KCND3: variants seen among roughly 807,000 people sequenced by gnomAD.
KCND3 encodes potassium voltage-gated channel subfamily D member 3.
Under a neutral mutation model 51.1 loss-of-function variants are expected in KCND3, and 9 were observed. The ratio of observed to expected loss-of-function variants is 0.18; its 90% CI spans 0.11 to 0.31. The LOEUF (loss-of-function observed/expected upper bound fraction) is 0.31, where lower values mean the gene tolerates loss of function less well. KCND3 is among the 10% of genes least tolerant of loss of function. The pLI is 1.00. For missense variants in KCND3, 526 were observed against 903.8 expected (o/e 0.58, Z 5.36); for synonymous variants, 349 against 368.0 (o/e 0.95, Z 0.59).
rs1664070977 is a variant in KCND3, at chr1:111,775,645, C to T, written c.*432G>A. Reference sequence around the variant, plus strand: ...GCCTTGAAAAAGGTGCTTAAATACACAGTGTTATATTTTCTTCCTGTTTTG... The same window carrying T: ...GCCTTGAAAAAGGTGCTTAAATACATAGTGTTATATTTTCTTCCTGTTTTG... On this transcript the variant is annotated 3_prime_UTR_variant, in exon 8 of 8. Transcript: ENST00000302127. 4.3e-6 allele frequency: 1 copy of T among 235,206 alleles called. No individual in the cohort carries two copies. The highest frequency in any genetic ancestry group is 2.2e-5 in the African/African-American group (1 of 45,176). 14.6% of individuals were successfully genotyped at this position (235,206 alleles called of 1,614,324 possible).
At chr1:111,912,279 C>T (rs1255368401) in intron 2 of KCND3, among the ~76,000 whole-genome samples, 3 of 152,190 alleles carry the variant, frequency 2.0e-5, no homozygotes. Context: ...ATGAAAAATT[C>T]CTATCACCTA....
rs752869405 is a variant in KCND3, at chr1:111,982,488, T to C, written c.239A>G (p.Lys80Arg). The C allele has an allele frequency of 2.5e-6, 4 of 1,609,312 alleles. No individual in the cohort carries two copies. The Admixed American group carries it at 6.7e-5, about 27-fold the overall frequency. The change falls in exon 2 of 8, where the codon AAG (lysine) becomes AGG (arginine). Residue 80 changes from lysine (K) to arginine (R), a missense_variant. Transcript: ENST00000302127. The surrounding 1 kb of genome is among the most constrained non-coding windows in gnomAD (Gnocchi z 8.5). ...GGGGTCCCGGTCGAAGAAGTACTCC[T>C]TGGTGTCCTCGTTGAAGAAGAACTC... is the stretch of plus-strand genomic sequence containing the variant. ...EKEFFFNEDT[K>R]EYFFDRDPEV...
chr1:111,987,052 G>A (rs1237578084), intron 1 of KCND3, among the ~76,000 whole-genome samples: 2 of 152,150 alleles, frequency 1.3e-5, no homozygotes, highest in Non-Finnish European at 2.9e-5. Flanking sequence ...AAAAGTAAGA[G>A]ATCACTGAAT....
chr1:111,921,152 T>G (rs1423529561), intron 2 of KCND3, among the ~76,000 whole-genome samples: 1 of 152,208 alleles, frequency 6.6e-6, no homozygotes. Context: ...ATTCAATCTC[T>G]ATAGTGCCCT....
chr1:111,879,074 C>T (rs1669187019), intron 2 of KCND3, among the ~76,000 whole-genome samples: 1 of 152,198 alleles, frequency 6.6e-6, no homozygotes, highest in Non-Finnish European at 1.5e-5. Flanking sequence ...ACAGAAACAT[C>T]AGCTCTCCTT....
chr1:111,871,136 G>C (rs1348154618), intron 2 of KCND3, among the ~76,000 whole-genome samples: 1 of 152,192 alleles, frequency 6.6e-6, no homozygotes, highest in Non-Finnish European at 1.5e-5. Flanking sequence ...GAAGGAATGG[G>C]AGGTGAGATG....
At position 111,889,202 on chromosome 1, in the gene KCND3, C is replaced by G. The variant is rs571407772; in HGVS notation, c.1106+92419G>C. On this transcript the variant is annotated intron_variant, in intron 2 of 7. Transcript: ENST00000302127. Reference sequence around the variant, plus strand: ...CACAGACATAACCACCATAAGTGAACAGAGGCCTGCCCCAAAAATTCAGGG... The same window carrying G: ...CACAGACATAACCACCATAAGTGAAGAGAGGCCTGCCCCAAAAATTCAGGG... Among the ~76,000 whole-genome samples, 114 of 152,342 alleles carry G rather than the reference C, an allele frequency of 7.5e-4. 2 individuals carry two copies. Among genetic ancestry groups the G allele is most frequent in the Middle Eastern group, 6.8e-3 (2 of 294 alleles).
At chr1:111,840,659 T>C (rs1239034840) in intron 2 of KCND3, among the ~76,000 whole-genome samples, 2 of 152,192 alleles carry the variant, frequency 1.3e-5, no homozygotes, top group Non-Finnish European at 2.9e-5. Flanking sequence ...ACATTTCACT[T>C]TTATAATCTC....
chr1:111,913,494 A>C (rs1469205956), intron 2 of KCND3, among the ~76,000 whole-genome samples: 3 of 152,260 alleles, frequency 2.0e-5, no homozygotes, highest in Admixed American at 2.0e-4. Flanking sequence ...AGCAAGCCCT[A>C]AAATAATCAA....
chr1:111,905,802 C>G (rs1452192040), intron 2 of KCND3, among the ~76,000 whole-genome samples: 1 of 152,156 alleles, frequency 6.6e-6, no homozygotes, highest in Admixed American at 6.5e-5. Flanking sequence ...CCACCCAGGC[C>G]CTTTCAAGTA....
intron 3 of KCND3, among the ~76,000 whole-genome samples, chr1:111,781,365 T>G (rs1048528481): frequency 6.6e-6 from 1 of 152,242 alleles, no homozygotes. Context: ...TGATACTTTC[T>G]CTTTCTCTTC....
At position 111,982,813 on chromosome 1, in the gene KCND3, G is replaced by C; in HGVS notation, c.-72-15C>G. On this transcript the variant is annotated splice_polypyrimidine_tract_variant and intron_variant, in intron 1 of 7. Transcript: ENST00000302127. This position sits in a 1 kb window ranked among gnomAD's most constrained non-coding sequence, Gnocchi z 8.5. ...TTCAGCAAACCCTGGGAGACAGGAG[G>C]GGAGAGAGAGAAGCGGTGAGTCCAT... 6.6e-7 allele frequency: 1 copy of C among 1,518,826 alleles called. No homozygotes were observed. The highest frequency in any genetic ancestry group is 8.8e-7 in the Non-Finnish European group (1 of 1,131,764). 94.1% of individuals were successfully genotyped at this position (1,518,826 alleles called of 1,614,324 possible). A position where few individuals can be genotyped will look rare whatever the true frequency, so the allele number is the denominator to read the frequency against.
chr1:111,807,134 A>G (rs1490953295), intron 2 of KCND3, among the ~76,000 whole-genome samples: 2 of 152,228 alleles, frequency 1.3e-5, no homozygotes, highest in Non-Finnish European at 2.9e-5. Flanking sequence ...AGTCAAAGAT[A>G]AAGCATATAA....
At chr1:111,920,863 C>T (rs1047977103) in intron 2 of KCND3, among the ~76,000 whole-genome samples, 26 of 152,244 alleles carry the variant, frequency 1.7e-4, no homozygotes, top group South Asian at 4.1e-4. Flanking sequence ...CCACTGTCCA[C>T]GGTACCTCTT....
chr1:111,812,434 A>G (rs1665896679), intron 2 of KCND3, among the ~76,000 whole-genome samples: 1 of 152,212 alleles, frequency 6.6e-6, no homozygotes, highest in Non-Finnish European at 1.5e-5. Flanking sequence ...GAGCCATCAG[A>G]TTGCAATGTG....
At chr1:111,942,759 G>T (rs1359121136) in intron 2 of KCND3, among the ~76,000 whole-genome samples, 1 of 152,230 alleles carries the variant, frequency 6.6e-6, no homozygotes, top group Non-Finnish European at 1.5e-5. Flanking sequence ...AAGCAGGAAA[G>T]GGGGTGGAGC....
intron 2 of KCND3, among the ~76,000 whole-genome samples, chr1:111,927,652 C>T (rs1177636714): frequency 6.6e-6 from 1 of 152,224 alleles, no homozygotes; most frequent in Non-Finnish European, 1.5e-5. Flanking sequence ...CCTCTTTCCT[C>T]CTTCCTTTTC....
At chr1:111,793,859 C>T (rs189618858) in intron 2 of KCND3, among the ~76,000 whole-genome samples, 2 of 152,292 alleles carry the variant, frequency 1.3e-5, no homozygotes, top group Admixed American at 1.3e-4. Context: ...AAACCCAAAG[C>T]GTTATTTCCT....
chr1:111,836,349 G>A (rs1232921201), intron 2 of KCND3, among the ~76,000 whole-genome samples: 5 of 152,124 alleles, frequency 3.3e-5, no homozygotes, highest in South Asian at 2.1e-4. Context: ...CCCGTCTCTC[G>A]CACCAGCCCG....
Sources: allele counts gnomAD v4.1 joint callset (sites outside exome capture counted in the v4.1 genomes callset), GRCh38; gene constraint gnomAD v4.1.1; non-coding constraint Gnocchi (gnomAD v3.1); transcripts MANE v1.5; gene names NCBI Gene and HGNC (gene_info 2026-07-23, HGNC 2026-07-21).